Variants in LMO7 observed in about 807,000 individuals in gnomAD.
LMO7 encodes the protein LIM domain 7.
LMO7 carries 120 observed loss-of-function variants against 206.5 expected under a neutral mutation model. The ratio of observed to expected loss-of-function variants is 0.58; its 90% CI spans 0.50 to 0.68. LMO7 has a LOEUF of 0.68. LMO7 is among the 30% of genes least tolerant of loss of function. The probability of loss-of-function intolerance (pLI) is 0.00; values close to 1 mark genes in which losing one functional copy is unlikely to be tolerated. For missense variants in LMO7, 1,959 were observed against 1,957.9 expected, an observed-to-expected ratio of 1.00 and a Z score of -0.01; for synonymous variants, 706 against 681.5, an observed-to-expected ratio of 1.04 and a Z score of -0.56.
In LMO7 at chr13:75,807,898, C is replaced by A; in HGVS notation, c.1615C>A (p.His539Asn). ...GCTGTCTGGGGCCCCAGATAGATAC[C>A]ACCCAGTCCCTTTTCCCGAACCCTG... ...VPLSGAPDRY[H>N]PVPFPEPWTL... Residue 539 changes from histidine to asparagine, a missense_variant, in exon 10 of 31, where the codon CAC becomes AAC. Transcript: ENST00000377534. The A allele has an allele frequency of 6.2e-7, 1 of 1,613,956 alleles. No homozygotes were observed. Among genetic ancestry groups the A allele is most frequent in the South Asian group, 1.1e-5 (1 of 91,064 alleles).
intron 3 of LMO7, among the ~76,000 whole-genome samples, chr13:75,733,830 CAT>C (rs1182433408): frequency 5.3e-5 from 8 of 152,192 alleles, no homozygotes; most frequent in Middle Eastern, 3.2e-3. Context: ...CCTCAAACTT[CAT>C]ATGTTTCCTT....
intron 1 of LMO7, among the ~76,000 whole-genome samples, chr13:75,687,914 G>A (rs1439261323): frequency 6.6e-6 from 1 of 152,170 alleles, no homozygotes; most frequent in Non-Finnish European, 1.5e-5. Flanking sequence ...CGTGTTGTAG[G>A]AGGGACCTGG....
intron 11 of LMO7, among the ~76,000 whole-genome samples, chr13:75,809,813 T>A (rs898417720): frequency 3.3e-5 from 5 of 151,472 alleles, no homozygotes; most frequent in African/African-American, 9.7e-5. Flanking sequence ...CTAATATCAC[T>A]GTTGCAAAAA....
At chr13:75,782,407 T>C (rs1376572891) in intron 4 of LMO7, among the ~76,000 whole-genome samples, 1 of 152,238 alleles carries the variant, frequency 6.6e-6, no homozygotes, top group African/African-American at 2.4e-5. Flanking sequence ...GGAAAATTGC[T>C]TAATCTCATT....
At chr13:75,778,012 G>A (rs2050766754) in intron 4 of LMO7, among the ~76,000 whole-genome samples, 1 of 152,068 alleles carries the variant, frequency 6.6e-6, no homozygotes, top group Non-Finnish European at 1.5e-5. Flanking sequence ...CTCTAGCCTG[G>A]TTTCTCACTG....
At chr13:75,800,455 A>G (rs1033226490) in intron 6 of LMO7, among the ~76,000 whole-genome samples, 1 of 152,124 alleles carries the variant, frequency 6.6e-6, no homozygotes, top group Admixed American at 6.5e-5. Flanking sequence ...TCTCCTTATT[A>G]TTACTTTGAA....
intron 2 of LMO7, among the ~76,000 whole-genome samples, chr13:75,630,969 T>C (rs1393996618): frequency 6.6e-6 from 1 of 151,758 alleles, no homozygotes; most frequent in Non-Finnish European, 1.5e-5. Context: ...CTTTTTTCAC[T>C]TTGCAATATA....
intron 10 of LMO7, 27 bp downstream of exon 10, chr13:75,808,226 T>G: frequency 6.4e-7 from 1 of 1,574,170 alleles, no homozygotes; most frequent in Non-Finnish European, 8.6e-7. Flanking sequence ...GCAAGGATTT[T>G]GCTTGTAATG....
intron 3 of LMO7, among the ~76,000 whole-genome samples, chr13:75,728,055 T>G (rs1198431047): frequency 6.6e-6 from 1 of 152,034 alleles, no homozygotes. Flanking sequence ...TTCCAAGTCT[T>G]TGCTGTTGTG....
At chr13:75,724,850 C>T (rs776100985) in intron 2 of LMO7, among the ~76,000 whole-genome samples, 4 of 152,004 alleles carry the variant, frequency 2.6e-5, no homozygotes, top group Non-Finnish European at 4.4e-5. Flanking sequence ...CAGAGTTTTC[C>T]TTTAGTGACT....
intron 4 of LMO7, chr13:75,788,773 C>G (rs937123385): frequency 6.6e-6 from 1 of 152,312 alleles, no homozygotes; most frequent in Admixed American, 6.5e-5. Context: ...TAATATCAGT[C>G]CAGTTTCCCA....
intron 18 of LMO7, among the ~76,000 whole-genome samples, chr13:75,835,752 T>C (rs2059063063): frequency 6.6e-6 from 1 of 152,146 alleles, no homozygotes; most frequent in Non-Finnish European, 1.5e-5. Context: ...TCATGAAGCA[T>C]TTTTAGTTTT....
At chr13:75,657,753 T>G (rs1297638831) in intron 1 of LMO7, among the ~76,000 whole-genome samples, 1 of 152,242 alleles carries the variant, frequency 6.6e-6, no homozygotes, top group African/African-American at 2.4e-5. Flanking sequence ...AAGGTTTTTG[T>G]GTATATTTTA....
chr13:75,714,916 C>T (rs942645371), intron 2 of LMO7, among the ~76,000 whole-genome samples: 1 of 151,828 alleles, frequency 6.6e-6, no homozygotes, highest in Non-Finnish European at 1.5e-5. Context: ...CAACCATACA[C>T]CCCACAAGTC....
At position 75,727,070 on chromosome 13, in the gene LMO7, A is replaced by C. The variant is rs751118448; in HGVS notation, c.182A>C (p.Asn61Thr). 5.7e-6 allele frequency: 9 copies of C among 1,590,258 alleles called. No homozygotes were observed. The highest frequency in any genetic ancestry group is 7.8e-6 in the Non-Finnish European group (9 of 1,159,328). Residue 61 changes from asparagine (N) to threonine (T), a missense_variant, in exon 3 of 31, where the codon AAT (asparagine) becomes ACT (threonine). By Grantham distance (65) the Asn-to-Thr change is moderately conservative (BLOSUM62 0). Transcript: ENST00000377534. ...AAACCTGGCGTCATTAAGAAGATCA[A>C]TAGACTGTCTACACCAATAGCAGGA... ...KLKPGVIKKI[N>T]RLSTPIAGLD...
At chr13:75,795,379 T>C (rs569228177) in intron 4 of LMO7, 22 bp from the exon 5 acceptor site, 1 of 1,526,684 alleles carries the variant, frequency 6.6e-7, no homozygotes, top group African/African-American at 1.4e-5. Context: ...TATTACCTAA[T>C]AGATATTTTC....
upstream of LMO7, chr13:75,631,727 G>C (rs542528688): frequency 2.0e-5 from 3 of 152,314 alleles, no homozygotes; most frequent in Non-Finnish European, 4.4e-5. Context: ...ACGTGAGGCT[G>C]CACTCTGCAG....
At chr13:75,759,865 G>T (rs575249784) in intron 3 of LMO7, among the ~76,000 whole-genome samples, 2 of 152,230 alleles carry the variant, frequency 1.3e-5, no homozygotes, top group East Asian at 3.9e-4. Context: ...TGTGAAAGTC[G>T]CCTCTTAGGG....
Position 75,636,456 on chromosome 13 carries a change from T to C in LMO7, c.-202T>C, listed in dbSNP as rs2035864391. 7.0e-7 allele frequency: 1 copy of C among 1,420,728 alleles called. No homozygotes were observed. Among genetic ancestry groups the C allele is most frequent in the East Asian group, 2.6e-5 (1 of 37,836 alleles). 88.0% of individuals were successfully genotyped at this position (1,420,728 alleles called of 1,614,324 possible). On this transcript the variant is annotated 5_prime_UTR_variant, in exon 1 of 31. Transcript: ENST00000377534. The stretch of plus-strand genomic sequence containing the variant: ...TCAGGAGTTTAGAGAAAGCCAGGTC[T>C]TCACGTTCGTGTAGGTTCGAGACCT...
Sources: allele counts gnomAD v4.1 joint callset (sites outside exome capture counted in the v4.1 genomes callset), GRCh38; gene constraint gnomAD v4.1.1; transcripts MANE v1.5; gene names NCBI Gene and HGNC (gene_info 2026-07-23, HGNC 2026-07-21).